The following FIGNL2 variants were observed in gnomAD, a reference collection of about 807,000 sequenced individuals.
FIGNL2 encodes the protein fidgetin like 2.
For missense variants in FIGNL2, 1,060 were observed against 950.2 expected (o/e 1.12, Z -1.52); for synonymous variants, 565 against 484.0 (o/e 1.17, Z -2.20).
rs1565941952 is a variant in FIGNL2, at chr12:51,821,592, G to A, written c.822C>T (p.Pro274=). The A allele has an allele frequency of 2.0e-6, 3 of 1,510,942 alleles. No homozygotes were observed. Among genetic ancestry groups the A allele is most frequent in the Non-Finnish European group, 2.6e-6 (3 of 1,136,036 alleles). The allele number at this position is 1,510,942 out of a possible 1,614,324, so 93.6% of individuals were successfully genotyped here. A position where few individuals can be genotyped will look rare whatever the true frequency, so the allele number is the denominator to read the frequency against. Residue 274 remains proline, a synonymous_variant, in exon 2 of 2, where the codon CCC becomes CCT. Transcript: ENST00000618634. ...SLKRKAADEG[P]EGRYRKYAYE... is the part of the protein sequence containing the mutation. ...ACGCGTACTTGCGGTAGCGGCCCTC[G>A]GGCCCCTCGTCGGCGGCCTTGCGCT... is the stretch of plus-strand genomic sequence containing the variant.
chr12:51,821,204 G>T lies in FIGNL2; in HGVS notation c.1210C>A (p.Leu404Met). 1 of 1,520,378 alleles carries T rather than the reference G, an allele frequency of 6.6e-7. No homozygotes were observed. The allele number at this position is 1,520,378 out of a possible 1,614,324, so 94.2% of individuals were successfully genotyped here. ...VAGQGALKAA[L>M]EEELVWPLLR... ...AGGGGCCACACCAGCTCCTCCTCCA[G>T]CGCCGCCTTGAGCGCGCCCTGGCCC... Residue 404 changes from leucine to methionine, a missense_variant, in exon 2 of 2, where the codon CTG (leucine) becomes ATG (methionine). By Grantham distance (15) the Leu-to-Met change is conservative. Coordinates refer to ENST00000618634, the MANE Select transcript of FIGNL2 (RefSeq NM_001384995.1).
chr12:51,820,751 C>A lies in FIGNL2; in HGVS notation c.1663G>T (p.Val555Leu). 2 of 1,486,738 alleles carry A rather than the reference C, an allele frequency of 1.3e-6. No homozygotes were observed. The highest frequency in any genetic ancestry group is 1.8e-6 in the Non-Finnish European group (2 of 1,127,452). 92.1% of individuals were successfully genotyped at this position (1,486,738 alleles called of 1,614,324 possible). A position where few individuals can be genotyped will look rare whatever the true frequency, so the allele number is the denominator to read the frequency against. Residue 555 changes from valine to leucine, a missense_variant, in exon 2 of 2, where the codon GTG (valine) becomes TTG (leucine). Val to Leu is a conservative substitution (Grantham distance 32, BLOSUM62 1). Coordinates refer to ENST00000618634, the MANE Select transcript of FIGNL2 (RefSeq NM_001384995.1). The part of the protein sequence containing the change: ...TRRRFSLRFY[V>L]ALPDSPARGQ... ...CGGGCCGGGCTGTCGGGCAGCGCCA[C>A]GTAGAAGCGGAGAGAGAAGCGCCGG...
chr12:51,848,273 G>A (rs1939795483), intron 1 of FIGNL2: 1 of 984,774 alleles, frequency 1.0e-6, no homozygotes, highest in Admixed American at 6.2e-5. Flanking sequence ...ACCAGAGGGG[G>A]CTGCGAGACG....
intron 1 of FIGNL2, among the ~76,000 whole-genome samples, chr12:51,843,221 T>C (rs1204041365): frequency 6.6e-6 from 1 of 152,158 alleles, no homozygotes; most frequent in Non-Finnish European, 1.5e-5. Context: ...CTGGACACAG[T>C]GCGTAGGTGC....
intron 1 of FIGNL2, among the ~76,000 whole-genome samples, chr12:51,822,862 G>A (rs1276493025): frequency 6.6e-6 from 1 of 152,216 alleles, no homozygotes; most frequent in Non-Finnish European, 1.5e-5. Context: ...CCGTGTGCTG[G>A]CCACTACAGA....
chr12:51,820,488 G>A lies in FIGNL2; in HGVS notation c.1926C>T (p.Phe642=), dbSNP rs764382002. Residue 642 remains phenylalanine, a synonymous_variant, in exon 2 of 2, where the codon TTC becomes TTT. Transcript: ENST00000618634. The stretch of plus-strand genomic sequence containing the variant: ...AGCCGTACATTTTGTCCCACTCCAC[G>A]AACGAGTCCAGTTCCTTGGCAGAGG... The part of the protein sequence containing the change: ...PRASAKELDS[F]VEWDKMYGSG... 1.1e-5 allele frequency: 18 copies of A among 1,589,446 alleles called. No homozygotes were observed. The highest frequency in any genetic ancestry group is 1.4e-5 in the Non-Finnish European group (17 of 1,175,544).
intron 1 of FIGNL2, chr12:51,824,514 A>G (rs1939293162): frequency 2.0e-5 from 3 of 152,204 alleles, no homozygotes; most frequent in Admixed American, 2.0e-4. Context: ...AAAGGAAGGT[A>G]TGTTGAGTTC....
chr12:51,828,449 C>T (rs563092380), intron 1 of FIGNL2: 2 of 152,316 alleles, frequency 1.3e-5, no homozygotes, highest in African/African-American at 2.4e-5. Context: ...ACCCACAGGA[C>T]GAAGTCCTTC....
Position 51,821,917 on chromosome 12 carries a change from T to TACCCCCCGCCGTAGCC in FIGNL2, c.481_496dup (p.Tyr166TrpfsTer132). 1 of 1,487,174 alleles carries TACCCCCCGCCGTAGCC rather than the reference T, an allele frequency of 6.7e-7. No homozygotes were observed. Among genetic ancestry groups the TACCCCCCGCCGTAGCC allele is most frequent in the Non-Finnish European group, 8.9e-7 (1 of 1,122,188 alleles). 92.1% of individuals were successfully genotyped at this position (1,487,174 alleles called of 1,614,324 possible). ...CTGCGCGCAGTAACCCGGCGCCAGG[T>TACCCCCCGCCGTAGCC]ACCCCCCGCCGTAGCCGGCCGCGTA... On this transcript the variant is annotated frameshift_variant, in exon 2 of 2. Coordinates refer to ENST00000618634, the MANE Select transcript of FIGNL2 (RefSeq NM_001384995.1). LOFTEE classifies it low-confidence loss of function (END_TRUNC).
At chr12:51,838,261 G>A (rs1355656289) in intron 1 of FIGNL2, among the ~76,000 whole-genome samples, 1 of 152,210 alleles carries the variant, frequency 6.6e-6, no homozygotes, top group Non-Finnish European at 1.5e-5. Context: ...CACTGGGCTG[G>A]GAGCTGGATC....
chr12:51,830,284 A>G (rs776636186), intron 1 of FIGNL2, among the ~76,000 whole-genome samples: 53 of 151,114 alleles, frequency 3.5e-4, no homozygotes, highest in Admixed American at 1.4e-3. Context: ...GCCAGTCTCC[A>G]TCTCAAAAAA....
chr12:51,821,691 C>T lies in FIGNL2; in HGVS notation c.723G>A (p.Leu241=). Reference sequence around the variant, plus strand: ...AGGCGGTGGGCGGTGCCGGCGCGGGCAGGGGCGTGGGCGCGGGCAGGCCCG... The same window carrying T: ...AGGCGGTGGGCGGTGCCGGCGCGGGTAGGGGCGTGGGCGCGGGCAGGCCCG... ...LTPGLPAPTP[L]PAPAPPTAYG... The change falls in exon 2 of 2, where the codon CTG becomes CTA. Residue 241 remains leucine, a synonymous_variant. Transcript: ENST00000618634. 3.7e-6 allele frequency: 5 copies of T among 1,364,348 alleles called. No individual in the cohort carries two copies. In the South Asian group the frequency reaches 5.2e-5, roughly 14 times the overall value. 84.5% of individuals were successfully genotyped at this position (1,364,348 alleles called of 1,614,324 possible). A position where few individuals can be genotyped will look rare whatever the true frequency, so the allele number is the denominator to read the frequency against.
intron 1 of FIGNL2, chr12:51,848,224 G>A: frequency 1.0e-6 from 1 of 983,468 alleles, no homozygotes; most frequent in Non-Finnish European, 1.2e-6. Flanking sequence ...GCCAGCAGAC[G>A]CCCCCGAGCC....
At chr12:51,830,700 C>A (rs560113734) in intron 1 of FIGNL2, among the ~76,000 whole-genome samples, 1 of 151,908 alleles carries the variant, frequency 6.6e-6, no homozygotes, top group South Asian at 2.1e-4. Context: ...ACCATGTTGG[C>A]CAGGCTGGTC....
chr12:51,818,155 C>T lies in FIGNL2; in HGVS notation c.*2297G>A, dbSNP rs1056503557. ...CCTGGATTCTTTGGTATGCCTCCCC[C>T]CAGCATTACCAGAGCTGGACTGGCC... is the stretch of plus-strand genomic sequence containing the variant. On this transcript the variant is annotated 3_prime_UTR_variant, in exon 2 of 2. Transcript: ENST00000618634. The T allele has an allele frequency of 1.3e-5, 2 of 152,140 alleles. No individual in the cohort carries two copies. The highest frequency in any genetic ancestry group is 6.6e-5 in the Admixed American group (1 of 15,262). The allele number at this position is 152,140 out of a possible 1,614,324, so 9.4% of individuals were successfully genotyped here.
chr12:51,834,407 C>T (rs1000233378), intron 1 of FIGNL2, among the ~76,000 whole-genome samples: 1 of 152,194 alleles, frequency 6.6e-6, no homozygotes, highest in African/African-American at 2.4e-5. Flanking sequence ...TTCTGTTACC[C>T]CCCACCCCAT....
chr12:51,838,776 G>T lies in FIGNL2; in HGVS notation c.-12+9764C>A, dbSNP rs1023377022. 5.3e-5 allele frequency among the ~76,000 whole-genome samples: 8 copies of T among 152,206 alleles called. No individual in the cohort carries two copies. The South Asian group carries it at 1.2e-3, about 24-fold the overall frequency. On this transcript the variant is annotated intron_variant, in intron 1 of 1. Coordinates refer to ENST00000618634, the MANE Select transcript of FIGNL2 (RefSeq NM_001384995.1). Reference sequence around the variant, plus strand: ...GGTGCAGTGGCCTGGGAAAGAGGTGGGGGGGCTGCTCTCCAGGCCCAGAAG... The same window carrying T: ...GGTGCAGTGGCCTGGGAAAGAGGTGTGGGGGCTGCTCTCCAGGCCCAGAAG...
At chr12:51,829,044 A>C (rs922619232) in intron 1 of FIGNL2, among the ~76,000 whole-genome samples, 4 of 152,130 alleles carry the variant, frequency 2.6e-5, no homozygotes. Context: ...AAGGGATTGG[A>C]CCAAACTGGG....
At chr12:51,825,359 GC>G (rs1165621516) in intron 1 of FIGNL2, among the ~76,000 whole-genome samples, 1 of 151,980 alleles carries the variant, frequency 6.6e-6, no homozygotes, top group African/African-American at 2.4e-5. Flanking sequence ...GTCCCTCATT[GC>G]CCAGACTTTT....
Sources: gnomAD v4.1 joint callset for allele counts (sites outside exome capture counted in the v4.1 genomes callset) on GRCh38, gnomAD v4.1.1 for gene constraint, MANE v1.5 for transcripts, NCBI Gene and HGNC (gene_info 2026-07-23, HGNC 2026-07-21) for gene names.